Variants in PDE11A observed in about 807,000 individuals in gnomAD.
PDE11A encodes phosphodiesterase 11A, also known as dual 3',5'-cyclic-AMP and -GMP phosphodiesterase 11A.
Under a neutral mutation model 100.5 loss-of-function variants are expected in PDE11A, and 100 were observed. The ratio of observed to expected loss-of-function variants is 1.00; its 90% CI spans 0.85 to 1.18. PDE11A has a LOEUF of 1.18. PDE11A is among the 50% of genes most tolerant of loss of function. The pLI is 0.00. For missense variants in PDE11A, 1,141 were observed against 1,152.6 expected, an observed-to-expected ratio of 0.99 and a Z score of 0.15; for synonymous variants, 381 against 420.8, an observed-to-expected ratio of 0.91 and a Z score of 1.16.
chr2:177,928,407 T>G (rs2085160128), intron 2 of PDE11A, among the ~76,000 whole-genome samples: 1 of 152,174 alleles, frequency 6.6e-6, no homozygotes, highest in South Asian at 2.1e-4. Context: ...CTGAAGCAGG[T>G]GGACCACTTG....
Position 178,071,670 on chromosome 2 carries a change from T to G in PDE11A, c.768A>C (p.Lys256Asn), listed in dbSNP as rs752296395. The G allele has an allele frequency of 2.5e-6, 4 of 1,613,438 alleles. No individual in the cohort carries two copies. The highest frequency in any genetic ancestry group is 1.7e-6 in the Non-Finnish European group (2 of 1,179,500). Residue 256 changes from lysine (K) to asparagine (N), a missense_variant, in exon 1 of 20, where the codon AAA (lysine) becomes AAC (asparagine). Lys to Asn is a moderately conservative substitution (Grantham distance 94). Coordinates refer to ENST00000286063, the MANE Select transcript of PDE11A (RefSeq NM_016953.4). ...GTGTTCCTGCATGCACATCAAAGAA[T>G]TTGGAGACCAAGGTCTTCTTGCCAG... ...AAAGKKTLVS[K>N]FFDVHAGTPL...
intron 17 of PDE11A, 29 bp downstream of exon 17, chr2:177,675,426 G>A: frequency 1.3e-6 from 2 of 1,564,226 alleles, no homozygotes; most frequent in Non-Finnish European, 1.8e-6. Flanking sequence ...TCCCTCCTCT[G>A]CTGAGCCCTG....
intron 19 of PDE11A, among the ~76,000 whole-genome samples, chr2:177,643,346 G>A (rs1437928863): frequency 6.6e-6 from 1 of 152,194 alleles, no homozygotes; most frequent in East Asian, 1.9e-4. Context: ...GGTCTCAGAT[G>A]GAGATGAGGA....
chr2:177,649,561 T>TA (rs2080278901), intron 19 of PDE11A, among the ~76,000 whole-genome samples: 1 of 152,216 alleles, frequency 6.6e-6, no homozygotes, highest in South Asian at 2.1e-4. Flanking sequence ...CATAGATACA[T>TA]ATGCACTTAC....
At chr2:177,858,192 G>A (rs1394104837) in intron 5 of PDE11A, among the ~76,000 whole-genome samples, 1 of 151,994 alleles carries the variant, frequency 6.6e-6, no homozygotes, top group Non-Finnish European at 1.5e-5. Context: ...CATGGGCAAG[G>A]ACTTCATGTC....
intron 2 of PDE11A, among the ~76,000 whole-genome samples, chr2:177,914,253 T>C (rs2084921669): frequency 6.6e-6 from 1 of 152,134 alleles, no homozygotes; most frequent in African/African-American, 2.4e-5. Context: ...GTGCTAAGAA[T>C]ATTAAACATT....
chr2:177,845,997 G>A (rs1372921897), intron 5 of PDE11A, among the ~76,000 whole-genome samples: 1 of 151,932 alleles, frequency 6.6e-6, no homozygotes, highest in East Asian at 1.9e-4. Flanking sequence ...CTCGGCATGA[G>A]AGGGAGACCG....
At chr2:177,728,227 C>T in intron 10 of PDE11A, 55 bp from the exon 11 acceptor site, 2 of 1,529,002 alleles carry the variant, frequency 1.3e-6, no homozygotes, top group Middle Eastern at 1.8e-4. Context: ...CCCAAACCCC[C>T]ATCCTGCTCT....
In PDE11A at chr2:178,060,357, A is replaced by C. The variant is rs1015003700; in HGVS notation, c.912+11169T>G. Among the ~76,000 whole-genome samples the C allele has an allele frequency of 3.3e-5, 5 of 152,184 alleles. No individual in the cohort carries two copies. The East Asian group carries it at 9.6e-4, about 29-fold the overall frequency. On this transcript the variant is annotated intron_variant, in intron 1 of 19. Transcript: ENST00000286063. ...AAAGAAAACAAAAAGAGAAGAGAAA[A>C]ATTAGTCATAAGCCCACACTCAGAG...
chr2:177,708,867 G>T (rs1218873575), intron 13 of PDE11A, among the ~76,000 whole-genome samples: 1 of 152,214 alleles, frequency 6.6e-6, no homozygotes, highest in Non-Finnish European at 1.5e-5. Context: ...AATTAAAATG[G>T]CATGAAGTGC....
intron 12 of PDE11A, among the ~76,000 whole-genome samples, chr2:177,717,817 C>T (rs1368122097): frequency 6.6e-6 from 1 of 152,170 alleles, no homozygotes; most frequent in African/African-American, 2.4e-5. Context: ...GATTGATTCT[C>T]AGGGTCTCCT....
chr2:177,832,556 T>TCTAC (rs1491301303), intron 6 of PDE11A, among the ~76,000 whole-genome samples: 5 of 120,122 alleles, frequency 4.2e-5, no homozygotes, highest in Admixed American at 1.6e-4. Flanking sequence ...CTCACATCCA[T>TCTAC]CTATCTATCT....
chr2:177,728,190 A>G lies in PDE11A; in HGVS notation c.1789-18T>C, dbSNP rs759393108. 33 of 1,612,204 alleles carry G rather than the reference A, an allele frequency of 2.0e-5. No homozygotes were observed. The highest frequency in any genetic ancestry group is 8.8e-5 in the South Asian group (8 of 91,046). The stretch of plus-strand genomic sequence containing the variant: ...TTGGCTGCCTAGAAAAGCAAAAGAC[A>G]TAAGTCAAGCCAAGTTCACCAGCTT... On this transcript the variant is annotated intron_variant, in intron 10 of 19. Transcript: ENST00000286063.
chr2:177,657,620 G>C (rs4110136), intron 19 of PDE11A, among the ~76,000 whole-genome samples: 10,345 of 151,928 alleles, frequency 0.068, 990 homozygotes, highest in African/African-American at 0.22. Context: ...TAGGGGAAGA[G>C]GGGGAGTGGG....
intron 2 of PDE11A, among the ~76,000 whole-genome samples, chr2:177,916,886 G>A (rs571282470): frequency 2.7e-5 from 4 of 149,938 alleles, no homozygotes; most frequent in Non-Finnish European, 4.4e-5. Context: ...TCAGCCTCCC[G>A]AGTAGCTGGG....
chr2:178,097,811 G>A (rs2087514238), intron 2 of PDE11A, among the ~76,000 whole-genome samples: 1 of 152,086 alleles, frequency 6.6e-6, no homozygotes, highest in Admixed American at 6.5e-5. Context: ...AAGATACTCA[G>A]ACAAAGGAGA....
chr2:178,088,251 C>T (rs1316426138), intron 2 of PDE11A, among the ~76,000 whole-genome samples: 2 of 152,154 alleles, frequency 1.3e-5, no homozygotes, highest in African/African-American at 4.8e-5. Context: ...CAATTTGATT[C>T]TAAATTCTAA....
At chr2:177,718,120 C>G (rs1219029778) in intron 12 of PDE11A, among the ~76,000 whole-genome samples, 5 of 152,220 alleles carry the variant, frequency 3.3e-5, no homozygotes, top group Admixed American at 3.3e-4. Flanking sequence ...ATGTCAACAA[C>G]AGTTAACTTT....
intron 6 of PDE11A, among the ~76,000 whole-genome samples, chr2:177,824,107 T>C (rs1402889989): frequency 1.3e-5 from 2 of 152,206 alleles, no homozygotes; most frequent in African/African-American, 4.8e-5. Context: ...GTTTTTTTTT[T>C]TCTTCTGGGA....
Sources: gnomAD v4.1 joint callset for allele counts (sites outside exome capture counted in the v4.1 genomes callset) on GRCh38, gnomAD v4.1.1 for gene constraint, MANE v1.5 for transcripts, NCBI Gene and HGNC (gene_info 2026-07-23, HGNC 2026-07-21) for gene names.